Variants in NEK6 observed in about 807,000 individuals in gnomAD.
NEK6 encodes NIMA related kinase 6.
In NEK6, 27 loss-of-function variants were observed where a neutral mutation model predicts 43.5. The ratio of observed to expected loss-of-function variants is 0.62; its 90% confidence interval spans 0.46 to 0.86. NEK6 has a LOEUF of 0.86. Ranked by LOEUF, NEK6 falls within the 40% of genes least tolerant of loss-of-function variation. The probability of loss-of-function intolerance (pLI) is 0.00; values close to 1 mark genes in which losing one functional copy is unlikely to be tolerated. For synonymous variants in NEK6, 167 were observed against 164.1 expected (o/e 1.02, Z -0.14); for missense variants, 318 against 414.4 (o/e 0.77, Z 2.02).
chr9:124,339,564 G>T lies in NEK6; in HGVS notation c.623-7G>T. 1 of 1,610,298 alleles carries T rather than the reference G, an allele frequency of 6.2e-7. No homozygotes were observed. Among genetic ancestry groups the T allele is most frequent in the Middle Eastern group, 1.7e-4 (1 of 6,058 alleles). ...CATAAGCAGCCCCGCCCCTTGCTGT[G>T]TTGCAGTGGGGACGCCCTACTACAT... On this transcript the variant is annotated splice_region_variant and splice_polypyrimidine_tract_variant and intron_variant, in intron 7 of 9. Transcript: ENST00000320246.
intron 8 of NEK6, among the ~76,000 whole-genome samples, chr9:124,345,924 CCCGCT>C (rs1829902247): frequency 6.6e-6 from 1 of 152,222 alleles, no homozygotes; most frequent in South Asian, 2.1e-4. Context: ...AGGCTCCCAG[CCCGCT>C]CCTGGTCAGG....
chr9:124,335,217 C>T lies in NEK6; in HGVS notation c.623-4354C>T, dbSNP rs143026599. On this transcript the variant is annotated intron_variant, in intron 7 of 9. Coordinates refer to ENST00000320246, the MANE Select transcript of NEK6 (RefSeq NM_014397.6). Reference sequence around the variant, plus strand: ...ACTGTGTGTTTCATCCCATGGTTGGCTACGACAAGCCATCCATTTCACACT... The same window carrying T: ...ACTGTGTGTTTCATCCCATGGTTGGTTACGACAAGCCATCCATTTCACACT... 2.9e-3 allele frequency among the ~76,000 whole-genome samples: 438 copies of T among 152,278 alleles called. 3 individuals carry two copies. The highest frequency in any genetic ancestry group is 0.01 in the African/African-American group (419 of 41,556).
chr9:124,302,503 C>T lies in NEK6; in HGVS notation c.90+449C>T, dbSNP rs1157667000. On this transcript the variant is annotated intron_variant, in intron 2 of 9. Transcript: ENST00000320246. ...TAACTGTGTTTCAGCCCCCTTCAGC[C>T]TCTTCTAGAACCAGCAGAGTTTGGG... is the stretch of plus-strand genomic sequence containing the variant. 1.3e-5 allele frequency among the ~76,000 whole-genome samples: 2 copies of T among 152,258 alleles called. 1 individual carries two copies. The highest frequency in any genetic ancestry group is 1.3e-4 in the Admixed American group (2 of 15,288).
intron 8 of NEK6, among the ~76,000 whole-genome samples, chr9:124,347,095 T>G: frequency 6.6e-6 from 1 of 152,210 alleles, no homozygotes; most frequent in East Asian, 1.9e-4. Flanking sequence ...AACATGCTGC[T>G]GCGCACCTCT....
At chr9:124,263,434 T>C (rs1203510869) in intron 1 of NEK6, among the ~76,000 whole-genome samples, 1 of 152,222 alleles carries the variant, frequency 6.6e-6, no homozygotes, top group Non-Finnish European at 1.5e-5. Context: ...CGTCGCCCAC[T>C]GAGCCTCAGC....
chr9:124,282,733 G>A (rs1831975154), intron 1 of NEK6, among the ~76,000 whole-genome samples: 1 of 152,232 alleles, frequency 6.6e-6, no homozygotes, highest in South Asian at 2.1e-4. Flanking sequence ...AGGCCCCAAA[G>A]ACAAGTGCTG....
At chr9:124,336,548 C>T (rs1829299671) in intron 7 of NEK6, among the ~76,000 whole-genome samples, 1 of 152,314 alleles carries the variant, frequency 6.6e-6, no homozygotes, top group East Asian at 1.9e-4. Context: ...ATTCTCCTCC[C>T]AGGGTCCTGG....
rs1832504017 is a variant in NEK6 at position 124,293,062 on chromosome 9, G to A, written c.-29-8874G>A. ...GCAGGCAGGGGTCTCTGGGATGGTG[G>A]GCCTGCTAGCGGGCCTGGGACTCCT... On this transcript the variant is annotated intron_variant, in intron 1 of 9. Coordinates refer to ENST00000320246, the MANE Select transcript of NEK6 (RefSeq NM_014397.6). 14 of 1,429,668 alleles carry A rather than the reference G, an allele frequency of 9.8e-6. No individual in the cohort carries two copies. The East Asian group carries it at 3.6e-4, about 36-fold the overall frequency. The allele number at this position is 1,429,668 out of a possible 1,614,324, so 88.6% of individuals were successfully genotyped here. A position where few individuals can be genotyped will look rare whatever the true frequency, so the allele number is the denominator to read the frequency against.
Position 124,334,495 on chromosome 9 carries a change from T to C in NEK6, c.623-5076T>C, listed in dbSNP as rs555648598. 4.8e-4 allele frequency among the ~76,000 whole-genome samples: 73 copies of C among 152,286 alleles called. No individual in the cohort carries two copies. The East Asian group carries it at 0.011, about 23-fold the overall frequency. On this transcript the variant is annotated intron_variant, in intron 7 of 9. Coordinates refer to ENST00000320246, the MANE Select transcript of NEK6 (RefSeq NM_014397.6). ...GTGAAGAGAGGAGGGGACGGAGGGC[T>C]GGTGCCCCCAATCTCTCTCTGCCCA...
intron 1 of NEK6, among the ~76,000 whole-genome samples, chr9:124,294,446 C>T (rs1052599780): frequency 6.6e-6 from 1 of 151,264 alleles, no homozygotes; most frequent in African/African-American, 2.4e-5. Context: ...CAGCAGAGAT[C>T]GCGCCATTGC....
intron 7 of NEK6, among the ~76,000 whole-genome samples, chr9:124,336,179 A>G (rs1829279335): frequency 6.6e-6 from 1 of 152,110 alleles, no homozygotes; most frequent in Non-Finnish European, 1.5e-5. Flanking sequence ...CAGAGGTTGC[A>G]GTGAGCCAAG....
Position 124,276,284 on chromosome 9 carries a change from T to A in NEK6, c.-30+18199T>A, listed in dbSNP as rs1831647555. Among the ~76,000 whole-genome samples the A allele has an allele frequency of 2.6e-5, 4 of 152,152 alleles. No individual in the cohort carries two copies. In the South Asian group the frequency reaches 8.3e-4, roughly 32 times the overall value. On this transcript the variant is annotated intron_variant, in intron 1 of 9. Transcript: ENST00000320246. ...AGTGGCTCCAGAGTCTCAGGAATCA[T>A]CTCTGGATGGGTGACTGGGGCAAGG...
At chr9:124,331,267 A>AAAAC (rs1293628141) in intron 7 of NEK6, among the ~76,000 whole-genome samples, 1 of 148,478 alleles carries the variant, frequency 6.7e-6, no homozygotes, top group African/African-American at 2.4e-5. Context: ...CTCAAAAAAA[A>AAAAC]AAAAAACAAA....
At chr9:124,310,676 C>T (rs113695607) in intron 2 of NEK6, among the ~76,000 whole-genome samples, 1 of 152,198 alleles carries the variant, frequency 6.6e-6, no homozygotes, top group Non-Finnish European at 1.5e-5. Context: ...AGGCCAACTG[C>T]AACCTCCGCC....
intron 3 of NEK6, 123 bp from the exon 4 acceptor site, chr9:124,313,800 G>C (rs1400566431): frequency 1.1e-5 from 10 of 888,698 alleles, no homozygotes; most frequent in South Asian, 6.2e-5. Context: ...TGCAGGGGGG[G>C]GTCACAGAGT....
chr9:124,348,967 T>G (rs1232563860), intron 9 of NEK6, among the ~76,000 whole-genome samples: 1 of 152,232 alleles, frequency 6.6e-6, no homozygotes. Context: ...ATGGCATGTC[T>G]TTGGTGGCCC....
chr9:124,309,292 G>A (rs1231414274), intron 2 of NEK6, among the ~76,000 whole-genome samples: 1 of 152,234 alleles, frequency 6.6e-6, no homozygotes, highest in East Asian at 1.9e-4. Context: ...ATCCATATGC[G>A]TGTGAGCAGC....
chr9:124,298,953 C>A (rs760925772), intron 1 of NEK6, among the ~76,000 whole-genome samples: 10 of 152,230 alleles, frequency 6.6e-5, no homozygotes, highest in Non-Finnish European at 1.5e-4. Context: ...CCATGTGAGG[C>A]CACAGGTGAG....
intron 1 of NEK6, chr9:124,261,300 G>C: frequency 1.4e-6 from 1 of 693,468 alleles, no homozygotes; most frequent in African/African-American, 1.9e-5. Flanking sequence ...TTTTCTTTAA[G>C]TGCCCCAGAT....
Sources: gnomAD v4.1 joint callset for allele counts (sites outside exome capture counted in the v4.1 genomes callset) on GRCh38, gnomAD v4.1.1 for gene constraint, MANE v1.5 for transcripts, NCBI Gene and HGNC (gene_info 2026-07-23, HGNC 2026-07-21) for gene names.